The following TRIO variants were observed in gnomAD, a reference collection of about 807,000 sequenced individuals.
The protein encoded by TRIO is trio Rho guanine nucleotide exchange factor.
A neutral mutation model predicts 351.9 loss-of-function variants in TRIO; 58 were observed. That is an observed-to-expected ratio of 0.16 (90% CI 0.13 to 0.21). The LOEUF is 0.21. Ranked by LOEUF, TRIO falls within the 10% of genes least tolerant of loss-of-function variation. TRIO has a pLI of 1.00. For synonymous variants in TRIO, 1,758 were observed against 1,595.7 expected, an observed-to-expected ratio of 1.10 and a Z score of -2.42; for missense variants, 3,201 against 4,027.8, an observed-to-expected ratio of 0.79 and a Z score of 5.56.
At chr5:14,221,457 C>T (rs1792614014) in intron 1 of TRIO, among the ~76,000 whole-genome samples, 1 of 152,118 alleles carries the variant, frequency 6.6e-6, no homozygotes, top group South Asian at 2.1e-4. Context: ...TAGATCTGGA[C>T]ACAGTACACT....
At position 14,396,443 on chromosome 5, in the gene TRIO, C is replaced by CTTTTTTTTTT. The variant is rs1173121592; in HGVS notation, c.4312-565_4312-556dup. ...ATAATAATTAAATATTTCTATTTATCTTTTTTTTTTTTTTTTTTTTTTTTT... is the reference window on the plus strand; with the variant it reads ...ATAATAATTAAATATTTCTATTTATCTTTTTTTTTTTTTTTTTTTTTTTTTTTTTTTTTTT... On this transcript the variant is annotated intron_variant, in intron 28 of 56. Coordinates refer to ENST00000344204, the MANE Select transcript of TRIO (RefSeq NM_007118.4). Among the ~76,000 whole-genome samples, 141 of 41,546 alleles carry CTTTTTTTTTT rather than the reference C, an allele frequency of 3.4e-3. 33 individuals carry two copies. Among genetic ancestry groups the CTTTTTTTTTT allele is most frequent in the East Asian group, 5.2e-3 (4 of 762 alleles). 27.3% of individuals were successfully genotyped at this position (41,546 alleles called of 152,430 possible). A position where few individuals can be genotyped will look rare whatever the true frequency, so the allele number is the denominator to read the frequency against.
At chr5:14,198,790 A>G (rs933449881) in intron 1 of TRIO, among the ~76,000 whole-genome samples, 2 of 152,130 alleles carry the variant, frequency 1.3e-5, no homozygotes, top group African/African-American at 4.8e-5. Context: ...ACCTGAGAGC[A>G]CCTCCAGAAT....
intron 1 of TRIO, among the ~76,000 whole-genome samples, chr5:14,234,642 C>T (rs942300004): frequency 2.6e-5 from 4 of 152,092 alleles, no homozygotes; most frequent in Admixed American, 6.5e-5. Flanking sequence ...GTTTCTGTTC[C>T]TACATATACA....
chr5:14,495,010 T>A (rs1368492030), intron 49 of TRIO, among the ~76,000 whole-genome samples: 1 of 152,250 alleles, frequency 6.6e-6, no homozygotes, highest in East Asian at 1.9e-4. Flanking sequence ...TGGAGAGGAT[T>A]CACCATTCCA....
chr5:14,485,189 C>A lies in TRIO; in HGVS notation c.6778C>A (p.Gln2260Lys). 1 of 1,588,110 alleles carries A rather than the reference C, an allele frequency of 6.3e-7. No homozygotes were observed. Among genetic ancestry groups the A allele is most frequent in the Non-Finnish European group, 8.6e-7 (1 of 1,159,590 alleles). Reference sequence around the variant, plus strand: ...GCATTCATCTAGTCCAAGTGTCCGGCAAACTTGGATCCATGAAATCAACCA... The same window carrying A: ...GCATTCATCTAGTCCAAGTGTCCGGAAAACTTGGATCCATGAAATCAACCA... ...ILHSSSPSVR[Q>K]TWIHEINQIL... Residue 2260 changes from glutamine (Q) to lysine (K), a missense_variant, in exon 47 of 57, where the codon CAA becomes AAA. Physicochemically the swap from Gln to Lys is moderately conservative, Grantham distance 53. Around this residue, in one of 19 missense-constraint regions of TRIO, gnomAD observed 1,089 missense variants for 954.9 expected, o/e 1.14. Transcript: ENST00000344204.
chr5:14,361,015 A>G (rs1425099477), intron 13 of TRIO, among the ~76,000 whole-genome samples: 2 of 152,366 alleles, frequency 1.3e-5, no homozygotes, highest in East Asian at 3.9e-4. Flanking sequence ...CCAAGGTAGC[A>G]GCACAGAATA....
At position 14,363,908 on chromosome 5, in the gene TRIO, C is replaced by T. The variant is rs1478457454; in HGVS notation, c.2568C>T (p.Val856=). The T allele has an allele frequency of 2.0e-5, 32 of 1,613,996 alleles. No homozygotes were observed. In the Admixed American group the frequency reaches 4.2e-4, roughly 21 times the overall value. ...AAGGGCAAGATCTTCTGCAGTATGT[C>T]AATGAGGTCCAGGCCTCTGGTAAGA... ...IHQGQDLLQY[V]NEVQASGVEL... Residue 856 remains valine (V), a synonymous_variant, in exon 14 of 57, where the codon GTC becomes GTT. Transcript: ENST00000344204.
intron 1 of TRIO, among the ~76,000 whole-genome samples, chr5:14,269,358 A>G (rs764619791): frequency 2.6e-5 from 4 of 152,248 alleles, no homozygotes; most frequent in African/African-American, 9.6e-5. Context: ...GAATTCTGCT[A>G]TATTCCTCCC....
At position 14,492,847 on chromosome 5, in the gene TRIO, G is replaced by A. The variant is rs1478876322; in HGVS notation, c.7880+33G>A. The A allele has an allele frequency of 2.5e-6, 4 of 1,604,900 alleles. No individual in the cohort carries two copies. The Admixed American group carries it at 5.0e-5, about 20-fold the overall frequency. ...CTTGACAGTAACGGCGTCCTGGCAG[G>A]CAGCAGAGGGAGGGGGCACAGCACC... On this transcript the variant is annotated intron_variant, in intron 49 of 56. Coordinates refer to ENST00000344204, the MANE Select transcript of TRIO (RefSeq NM_007118.4).
intron 1 of TRIO, among the ~76,000 whole-genome samples, chr5:14,258,047 CT>C (rs546841237): frequency 5.4e-4 from 81 of 150,394 alleles, no homozygotes; most frequent in African/African-American, 1.3e-3. Context: ...GTCACCCCCC[CT>C]GGGAGGTGGC....
intron 6 of TRIO, among the ~76,000 whole-genome samples, chr5:14,296,588 T>C (rs1394323055): frequency 3.3e-5 from 5 of 152,200 alleles, no homozygotes; most frequent in African/African-American, 1.2e-4. Context: ...CAAAAATGAC[T>C]TGGGCATATG....
chr5:14,468,800 G>A (rs939221338), intron 37 of TRIO, among the ~76,000 whole-genome samples: 1 of 152,174 alleles, frequency 6.6e-6, no homozygotes, highest in African/African-American at 2.4e-5. Context: ...TTGGGTTAGG[G>A]AGGAGAGGAG....
intron 1 of TRIO, among the ~76,000 whole-genome samples, chr5:14,144,844 C>T (rs1399421067): frequency 1.3e-5 from 2 of 151,908 alleles, no homozygotes; most frequent in East Asian, 3.9e-4. Context: ...CCGCGTCCCG[C>T]GTCCCCGCGC....
chr5:14,461,839 A>T (rs1753838645), intron 35 of TRIO, among the ~76,000 whole-genome samples: 2 of 152,254 alleles, frequency 1.3e-5, no homozygotes, highest in African/African-American at 4.8e-5. Flanking sequence ...AGTAGAAAAT[A>T]ACCAGTTAAT....
At chr5:14,166,277 C>T (rs1421248997) in intron 1 of TRIO, among the ~76,000 whole-genome samples, 1 of 152,336 alleles carries the variant, frequency 6.6e-6, no homozygotes, top group East Asian at 1.9e-4. Flanking sequence ...CTGCATGTCC[C>T]CTTCCTGTCT....
chr5:14,479,020 G>T (rs1327760846), intron 41 of TRIO, among the ~76,000 whole-genome samples: 3 of 152,086 alleles, frequency 2.0e-5, no homozygotes, highest in Non-Finnish European at 4.4e-5. Context: ...TTGGTATTTG[G>T]TACTGTAAAG....
At chr5:14,170,664 G>C (rs1393727214) in intron 1 of TRIO, among the ~76,000 whole-genome samples, 38 of 152,154 alleles carry the variant, frequency 2.5e-4, no homozygotes, top group Admixed American at 2.5e-3. Flanking sequence ...GCTCCACCAT[G>C]CCTGGCTAAT....
intron 29 of TRIO, among the ~76,000 whole-genome samples, chr5:14,398,047 C>T (rs1012365441): frequency 6.6e-6 from 1 of 152,152 alleles, no homozygotes; most frequent in Non-Finnish European, 1.5e-5. Context: ...CAGTAGTACC[C>T]GCTACTTTGC....
At chr5:14,246,273 T>G (rs1794430469) in intron 1 of TRIO, among the ~76,000 whole-genome samples, 1 of 152,236 alleles carries the variant, frequency 6.6e-6, no homozygotes, top group African/African-American at 2.4e-5. Flanking sequence ...ATTTAAAACT[T>G]GATTTACTAG....
Sources: allele counts gnomAD v4.1 joint callset (sites outside exome capture counted in the v4.1 genomes callset), GRCh38; gene constraint gnomAD v4.1.1; regional missense constraint gnomAD v4.1.1; transcripts MANE v1.5; gene names NCBI Gene and HGNC (gene_info 2026-07-23, HGNC 2026-07-21).